The following ZDBF2 variants were observed in gnomAD, a reference collection of about 807,000 sequenced individuals.
ZDBF2 encodes the protein DBF4-type zinc finger-containing protein 2.
ZDBF2 carries 6 observed loss-of-function variants against 9.4 expected under a neutral mutation model. That is an observed-to-expected ratio of 0.64 (90% CI 0.35 to 1.27). The LOEUF is 1.27. Among genes scored for constraint, ZDBF2 ranks in the 50% most tolerant of loss-of-function variants. The pLI is 0.03. For synonymous variants in ZDBF2, 905 were observed against 946.3 expected (o/e 0.96, Z 0.80); for missense variants, 2,697 against 2,766.8 (o/e 0.97, Z 0.57).
At chr2:206,295,394 C>T (rs1380215364) in intron 3 of ZDBF2, among the ~76,000 whole-genome samples, 6 of 136,890 alleles carry the variant, frequency 4.4e-5, no homozygotes, top group Non-Finnish European at 9.2e-5. Flanking sequence ...GACAGAGCCT[C>T]ACTCTGTCAC....
At chr2:206,277,692 G>A (rs1691094576) in intron 1 of ZDBF2, among the ~76,000 whole-genome samples, 1 of 142,234 alleles carries the variant, frequency 7.0e-6, no homozygotes, top group African/African-American at 2.6e-5. Flanking sequence ...GATGTTGTTT[G>A]TGAAAAGACA....
At chr2:206,290,776 A>G (rs1414054353) in intron 3 of ZDBF2, among the ~76,000 whole-genome samples, 1 of 152,126 alleles carries the variant, frequency 6.6e-6, no homozygotes, top group African/African-American at 2.4e-5. Flanking sequence ...TCTATGTACT[A>G]CATTATGTTC....
chr2:206,311,572 GA>G lies in ZDBF2; in HGVS notation c.7045del (p.Arg2349GlufsTer5), dbSNP rs768749696. ...RMMTRLANKL[R>X]GNEVK ...TGATGACTCGGCTAGCAAACAAACT[GA>G]GAGGTAATGAGGTAAAATAGAAGTT... On this transcript the variant is annotated frameshift_variant, in exon 5 of 5. Coordinates refer to ENST00000374423, the MANE Select transcript of ZDBF2 (RefSeq NM_020923.3). LOFTEE classifies it low-confidence loss of function (END_TRUNC). The G allele has an allele frequency of 5.3e-6, 8 of 1,513,022 alleles. 1 individual carries two copies. In the South Asian group the frequency reaches 1.1e-4, roughly 21 times the overall value. 93.7% of individuals were successfully genotyped at this position (1,513,022 alleles called of 1,614,324 possible).
At position 206,309,218 on chromosome 2, in the gene ZDBF2, A is replaced by T; in HGVS notation, c.4690A>T (p.Asn1564Tyr). Residue 1564 changes from asparagine to tyrosine, a missense_variant, in exon 5 of 5, where the codon AAT becomes TAT. Around this residue, in one of 3 missense-constraint regions of ZDBF2, gnomAD observed 1,783 missense variants for 1,776.5 expected, o/e 1.00. Coordinates refer to ENST00000374423, the MANE Select transcript of ZDBF2 (RefSeq NM_020923.3). The stretch of plus-strand genomic sequence containing the variant: ...GACTGTCAAAGATATCAGCTGTATA[A>T]ATACAGAATGTATTGATATAGAAGA... The part of the protein sequence containing the change: ...QLTVKDISCI[N>Y]TECIDIEDKS... The T allele has an allele frequency of 6.2e-7, 1 of 1,606,950 alleles. No homozygotes were observed. The highest frequency in any genetic ancestry group is 8.5e-7 in the Non-Finnish European group (1 of 1,176,074).
intron 1 of ZDBF2, among the ~76,000 whole-genome samples, chr2:206,275,876 C>G (rs550248603): frequency 1.3e-5 from 2 of 152,120 alleles, no homozygotes; most frequent in Non-Finnish European, 2.9e-5. Context: ...ACGTGGAAGA[C>G]CTTTTCTCTA....
In ZDBF2 at chr2:206,310,264, C is replaced by A; in HGVS notation, c.5736C>A (p.Ala1912=). The A allele has an allele frequency of 6.2e-7, 1 of 1,613,882 alleles. No homozygotes were observed. Among genetic ancestry groups the A allele is most frequent in the South Asian group, 1.1e-5 (1 of 91,066 alleles). Residue 1912 remains alanine, a synonymous_variant, in exon 5 of 5, where the codon GCC becomes GCA. Coordinates refer to ENST00000374423, the MANE Select transcript of ZDBF2 (RefSeq NM_020923.3). The part of the protein sequence containing the change: ...GISDIDDLSV[A]LDKPCHRHPP... ...CAGATATTGATGACTTGTCAGTGGC[C>A]TTAGATAAACCATGCCATCGTCATC...
At chr2:206,300,560 C>T (rs766311695) in intron 4 of ZDBF2, among the ~76,000 whole-genome samples, 9 of 152,168 alleles carry the variant, frequency 5.9e-5, no homozygotes, top group South Asian at 2.1e-4. Context: ...ATAATGTTGC[C>T]GTGTCATTTT....
At position 206,305,162 on chromosome 2, in the gene ZDBF2, C is replaced by T. The variant is rs377484937; in HGVS notation, c.634C>T (p.His212Tyr). The T allele has an allele frequency of 1.6e-4, 259 of 1,613,698 alleles. No homozygotes were observed. Among genetic ancestry groups the T allele is most frequent in the Non-Finnish European group, 1.9e-4 (220 of 1,179,816 alleles). ...ANTTSLPPAAHLDSVSKCDPN... is the reference protein window; with the variant it reads ...ANTTSLPPAAYLDSVSKCDPN... ...TACAACTAGTTTACCACCAGCAGCT[C>T]ATTTGGATTCAGTTAGCAAATGTGA... Residue 212 changes from histidine (H) to tyrosine (Y), a missense_variant, in exon 5 of 5, where the codon CAT becomes TAT. Coordinates refer to ENST00000374423, the MANE Select transcript of ZDBF2 (RefSeq NM_020923.3).
At chr2:206,290,281 C>T (rs1011534004) in intron 3 of ZDBF2, among the ~76,000 whole-genome samples, 1 of 152,180 alleles carries the variant, frequency 6.6e-6, no homozygotes, top group African/African-American at 2.4e-5. Flanking sequence ...GGAATCAGGA[C>T]ATTTGAGTCC....
intron 2 of ZDBF2, among the ~76,000 whole-genome samples, chr2:206,280,336 T>C (rs1691247932): frequency 6.6e-6 from 1 of 152,252 alleles, no homozygotes; most frequent in South Asian, 2.1e-4. Context: ...CAAAAATATT[T>C]AAGTATTTAC....
intron 3 of ZDBF2, among the ~76,000 whole-genome samples, chr2:206,284,499 A>G (rs1230619352): frequency 6.6e-6 from 1 of 152,192 alleles, no homozygotes; most frequent in African/African-American, 2.4e-5. Context: ...ATTATTAACT[A>G]TAGTCATCCT....
intron 3 of ZDBF2, among the ~76,000 whole-genome samples, chr2:206,285,271 T>C (rs1388235175): frequency 6.6e-6 from 1 of 152,226 alleles, no homozygotes; most frequent in Non-Finnish European, 1.5e-5. Context: ...CCACCAACAG[T>C]GTGTAAGAAT....
At chr2:206,275,948 A>AC (rs1690977582) in intron 1 of ZDBF2, among the ~76,000 whole-genome samples, 1 of 152,256 alleles carries the variant, frequency 6.6e-6, no homozygotes, top group African/African-American at 2.4e-5. Flanking sequence ...ATAAAGTATC[A>AC]CTGCAGTGGC....
At position 206,311,687 on chromosome 2, in the gene ZDBF2, G is replaced by T; in HGVS notation, c.*94G>T. On this transcript the variant is annotated 3_prime_UTR_variant, in exon 5 of 5. Coordinates refer to ENST00000374423, the MANE Select transcript of ZDBF2 (RefSeq NM_020923.3). ...CACACAGCTTTCCCAGCTTTGGTGA[G>T]AAAACTAATCTTGAACTATTTTGCT... The T allele has an allele frequency of 8.2e-7, 1 of 1,220,850 alleles. No individual in the cohort carries two copies. The highest frequency in any genetic ancestry group is 1.1e-6 in the Non-Finnish European group (1 of 944,460). The allele number at this position is 1,220,850 out of a possible 1,614,324, so 75.6% of individuals were successfully genotyped here. A position where few individuals can be genotyped will look rare whatever the true frequency, so the allele number is the denominator to read the frequency against.
Position 206,309,835 on chromosome 2 carries a change from A to G in ZDBF2, c.5307A>G (p.Lys1769=), listed in dbSNP as rs13408088. The change falls in exon 5 of 5, where the codon AAA becomes AAG. Residue 1769 remains lysine (K), a synonymous_variant. Transcript: ENST00000374423. ...DTDQPQETVK[K]RHPCKKVSSD... ...ATCAGCCTCAAGAAACTGTTAAGAA[A>G]AGACACCCTTGTAAGAAGGTATCTT... 0.011 allele frequency: 17,918 copies of G among 1,613,822 alleles called. 399 individuals are homozygous for G. The highest frequency in any genetic ancestry group is 0.096 in the African/African-American group (7,223 of 74,982).
chr2:206,311,410 T>G lies in ZDBF2; in HGVS notation c.6882T>G (p.Pro2294=). The G allele has an allele frequency of 6.2e-7, 1 of 1,605,124 alleles. No individual in the cohort carries two copies. Among genetic ancestry groups the G allele is most frequent in the South Asian group, 1.1e-5 (1 of 88,878 alleles). The change falls in exon 5 of 5, where the codon CCT becomes CCG. Residue 2294 remains proline, a synonymous_variant. Transcript: ENST00000374423. ...SAMANPPPKR[P]VRASCRVARR... is the part of the protein sequence containing the mutation. ...TGGCAAATCCTCCTCCAAAGCGACC[T>G]GTGCGGGCTTCTTGCCGCGTTGCAA...
chr2:206,277,957 C>T (rs1335438866), intron 1 of ZDBF2, among the ~76,000 whole-genome samples: 4 of 152,086 alleles, frequency 2.6e-5, no homozygotes, highest in Admixed American at 2.6e-4. Flanking sequence ...AAATACTATG[C>T]AATCATTAAA....
intron 4 of ZDBF2, among the ~76,000 whole-genome samples, chr2:206,304,227 A>G (rs1166931584): frequency 6.6e-6 from 1 of 152,186 alleles, no homozygotes; most frequent in East Asian, 1.9e-4. Flanking sequence ...ACCCGCACCA[A>G]AACAATGTGT....
intron 2 of ZDBF2, among the ~76,000 whole-genome samples, chr2:206,281,448 C>T (rs920828055): frequency 6.6e-6 from 1 of 152,116 alleles, no homozygotes; most frequent in African/African-American, 2.4e-5. Flanking sequence ...TTAATGAGCT[C>T]CATTAGAGTA....
Sources: gnomAD v4.1 joint callset for allele counts (sites outside exome capture counted in the v4.1 genomes callset) on GRCh38, gnomAD v4.1.1 for gene constraint, gnomAD v4.1.1 regional missense constraint, MANE v1.5 for transcripts, NCBI Gene and HGNC (gene_info 2026-07-23, HGNC 2026-07-21) for gene names.